Variants in LDB2 observed in about 807,000 individuals in gnomAD.
LDB2 encodes the protein LIM domain-binding protein 2.
A neutral mutation model predicts 44.3 loss-of-function variants in LDB2; 12 were observed. That is an observed-to-expected ratio of 0.27 (90% CI 0.17 to 0.44). The LOEUF (loss-of-function observed/expected upper bound fraction) is 0.44. LDB2 is among the 20% of genes least tolerant of loss of function. The pLI is 1.00. For synonymous variants in LDB2, 164 were observed against 174.8 expected (o/e 0.94, Z 0.49); for missense variants, 344 against 473.5 (o/e 0.73, Z 2.54).
intron 5 of LDB2, among the ~76,000 whole-genome samples, chr4:16,576,821 C>T (rs1321742685): frequency 6.6e-6 from 1 of 152,012 alleles, no homozygotes; most frequent in Non-Finnish European, 1.5e-5. Context: ...AATATTGATG[C>T]AAAAATCCTC....
intron 2 of LDB2, among the ~76,000 whole-genome samples, chr4:16,690,327 G>T (rs369068032): frequency 2.0e-4 from 30 of 151,398 alleles, no homozygotes; most frequent in Middle Eastern, 3.2e-3. Context: ...GCTGGGAATG[G>T]TGGTGCACAC....
chr4:16,827,000 C>T (rs974657964), intron 1 of LDB2, among the ~76,000 whole-genome samples: 5 of 152,020 alleles, frequency 3.3e-5, no homozygotes, highest in Non-Finnish European at 2.9e-5. Context: ...GAGACAGGAA[C>T]GTAAAGGAAG....
intron 2 of LDB2, among the ~76,000 whole-genome samples, chr4:16,718,088 T>C (rs556322342): frequency 9.9e-5 from 15 of 152,116 alleles, no homozygotes; most frequent in Non-Finnish European, 1.8e-4. Context: ...TAAAAATGCA[T>C]ATAAAAGTGA....
intron 1 of LDB2, among the ~76,000 whole-genome samples, chr4:16,825,958 TAATAC>T (rs781411528): frequency 2.0e-5 from 3 of 151,842 alleles, no homozygotes; most frequent in African/African-American, 7.2e-5. Flanking sequence ...TATGTATGTA[TAATAC>T]GTCATGTATA....
chr4:16,722,832 G>T (rs1216788652), intron 2 of LDB2, among the ~76,000 whole-genome samples: 1 of 152,120 alleles, frequency 6.6e-6, no homozygotes, highest in Non-Finnish European at 1.5e-5. Flanking sequence ...GGCATGATGA[G>T]AAACAGCAAG....
At chr4:16,780,760 A>T (rs947694733) in intron 1 of LDB2, among the ~76,000 whole-genome samples, 4 of 151,558 alleles carry the variant, frequency 2.6e-5, no homozygotes, top group Admixed American at 1.3e-4. Context: ...TCATGAACAC[A>T]CATTCCACGT....
intron 2 of LDB2, among the ~76,000 whole-genome samples, chr4:16,718,629 G>A (rs1473473599): frequency 6.6e-6 from 1 of 152,108 alleles, no homozygotes; most frequent in Non-Finnish European, 1.5e-5. Context: ...AAAATCAGAG[G>A]AGAGTGTCAT....
chr4:16,874,504 G>A (rs991048416), intron 1 of LDB2, among the ~76,000 whole-genome samples: 2 of 152,096 alleles, frequency 1.3e-5, no homozygotes, highest in African/African-American at 4.8e-5. Flanking sequence ...GAATGGGTGC[G>A]AATGGTTTGG....
At chr4:16,882,802 T>C (rs1399345861) in intron 1 of LDB2, among the ~76,000 whole-genome samples, 1 of 152,176 alleles carries the variant, frequency 6.6e-6, no homozygotes, top group Non-Finnish European at 1.5e-5. Flanking sequence ...GTTTTTAAAA[T>C]AGTACACACA....
At chr4:16,691,670 C>T (rs1750802782) in intron 2 of LDB2, among the ~76,000 whole-genome samples, 3 of 152,196 alleles carry the variant, frequency 2.0e-5, no homozygotes, top group East Asian at 3.9e-4. Flanking sequence ...GGACTATTAG[C>T]TTTGGCAGCT....
At chr4:16,843,782 C>T (rs1332202334) in intron 1 of LDB2, among the ~76,000 whole-genome samples, 6 of 151,920 alleles carry the variant, frequency 3.9e-5, no homozygotes, top group South Asian at 2.1e-4. Flanking sequence ...CCACCACGCC[C>T]AGCTAATTTT....
intron 2 of LDB2, among the ~76,000 whole-genome samples, chr4:16,596,775 T>G (rs553103240): frequency 3.3e-5 from 5 of 152,314 alleles, no homozygotes; most frequent in African/African-American, 1.2e-4. Flanking sequence ...TTTCAGCGAT[T>G]GTGTAAGTAG....
chr4:16,726,563 T>C (rs1759514818), intron 2 of LDB2: 1 of 152,188 alleles, frequency 6.6e-6, no homozygotes, highest in Non-Finnish European at 1.5e-5. Context: ...GAGTTCACCA[T>C]TGGCCAACTA....
intron 2 of LDB2, among the ~76,000 whole-genome samples, chr4:16,656,456 A>T (rs1377654800): frequency 6.6e-6 from 1 of 152,200 alleles, no homozygotes; most frequent in Non-Finnish European, 1.5e-5. Context: ...GCCACCAGCC[A>T]CACGTGGTCA....
intron 2 of LDB2, among the ~76,000 whole-genome samples, chr4:16,673,136 G>A (rs1252761218): frequency 7.2e-5 from 11 of 152,048 alleles, no homozygotes. Context: ...AGTAATTATT[G>A]TGCTTTTTCT....
At chr4:16,897,162 A>G (rs193297889) in intron 1 of LDB2, among the ~76,000 whole-genome samples, 1 of 152,356 alleles carries the variant, frequency 6.6e-6, no homozygotes, top group Non-Finnish European at 1.5e-5. Flanking sequence ...GGCTCTGTTG[A>G]CAATTCAAGC....
chr4:16,812,048 G>C (rs573864281), intron 1 of LDB2, among the ~76,000 whole-genome samples: 52 of 152,252 alleles, frequency 3.4e-4, no homozygotes, highest in African/African-American at 1.1e-3. Flanking sequence ...AAGATATCTT[G>C]CACTCTATTA....
In LDB2 at chr4:16,855,452, C is replaced by T. The variant is rs189958885; in HGVS notation, c.132+42902G>A. On this transcript the variant is annotated intron_variant, in intron 1 of 7. Coordinates refer to ENST00000304523, the MANE Select transcript of LDB2 (RefSeq NM_001290.5). ...AGAATAAAGACCATACTAGGAAAAA[C>T]ACTTGTATGATTGTTGCAAGCTCAA... Among the ~76,000 whole-genome samples, 9 of 152,192 alleles carry T rather than the reference C, an allele frequency of 5.9e-5. No homozygotes were observed. In the East Asian group the frequency reaches 1.5e-3, roughly 26 times the overall value.
At chr4:16,680,506 A>G (rs567181786) in intron 2 of LDB2, among the ~76,000 whole-genome samples, 111 of 152,314 alleles carry the variant, frequency 7.3e-4, no homozygotes, top group African/African-American at 2.6e-3. Flanking sequence ...TATGCAGGGA[A>G]CTGCACTGAG....
Sources: gnomAD v4.1 joint callset for allele counts (sites outside exome capture counted in the v4.1 genomes callset) on GRCh38, gnomAD v4.1.1 for gene constraint, MANE v1.5 for transcripts, NCBI Gene and HGNC (gene_info 2026-07-23, HGNC 2026-07-21) for gene names.